The following SH3BP2 variants were observed in gnomAD, a reference collection of about 807,000 sequenced individuals.
SH3BP2 encodes the protein SH3 domain binding protein 2, also known as SH3 domain-binding protein 2.
SH3BP2 carries 38 observed loss-of-function variants against 56.2 expected under a neutral mutation model. The ratio of observed to expected loss-of-function variants is 0.68; its 90% CI spans 0.52 to 0.89. The LOEUF is 0.89. Ranked by LOEUF, SH3BP2 falls within the 40% of genes least tolerant of loss-of-function variation. SH3BP2 has a pLI of 0.00. For missense variants in SH3BP2, 748 were observed against 762.6 expected, an observed-to-expected ratio of 0.98 and a Z score of 0.23; for synonymous variants, 346 against 316.7, an observed-to-expected ratio of 1.09 and a Z score of -0.98.
At chr4:2,812,066 G>GC (rs1186130308) in intron 1 of SH3BP2, 4 of 840,404 alleles carry the variant, frequency 4.8e-6, no homozygotes, top group Non-Finnish European at 6.6e-6. Context: ...CTGACCTTGC[G>GC]CTGGAGCCAG....
Position 2,829,586 on chromosome 4 carries a change from C to T in SH3BP2, c.680C>T (p.Thr227Ile). ...GACATGCCCCGGGCCCACTCCTTTA[C>T]CTCCAAGGGCCCCGGTCCCCTACTG... ...FSDMPRAHSF[T>I]SKGPGPLLPP... Residue 227 changes from threonine (T) to isoleucine (I), a missense_variant, in exon 8 of 13, where the codon ACC becomes ATC. Physicochemically the swap from Thr to Ile is moderately conservative, Grantham distance 89 (BLOSUM62 -1). Around this residue, in one of 3 missense-constraint regions of SH3BP2, gnomAD observed 635 missense variants for 615.0 expected, o/e 1.03. Coordinates refer to ENST00000503393, the MANE Select transcript of SH3BP2 (RefSeq NM_001122681.2). This position sits in a 1 kb window ranked among gnomAD's most constrained non-coding sequence, Gnocchi z 4.9. 2 of 1,612,528 alleles carry T rather than the reference C, an allele frequency of 1.2e-6. No homozygotes were observed. The highest frequency in any genetic ancestry group is 1.7e-6 in the Non-Finnish European group (2 of 1,179,250).
intron 1 of SH3BP2, chr4:2,818,372 T>C: frequency 8.5e-7 from 1 of 1,176,932 alleles, no homozygotes; most frequent in Non-Finnish European, 1.0e-6. Context: ...AAGCCGGCCA[T>C]GCCCGCCGCG....
At chr4:2,804,074 C>T (rs922519426) in intron 1 of SH3BP2, among the ~76,000 whole-genome samples, 1 of 152,138 alleles carries the variant, frequency 6.6e-6, no homozygotes, top group Non-Finnish European at 1.5e-5. Flanking sequence ...TGACTCCAGC[C>T]GAGCCCACTG....
intron 5 of SH3BP2, chr4:2,826,260 C>G (rs1054425796): frequency 7.4e-5 from 11 of 148,424 alleles, no homozygotes; most frequent in African/African-American, 2.2e-4. Context: ...TGCATGTCCG[C>G]GTGTTGCTCT....
At chr4:2,832,917 C>T (rs1725073121) in intron 11 of SH3BP2, 73 bp from the exon 12 acceptor site, 1 of 1,492,716 alleles carries the variant, frequency 6.7e-7, no homozygotes, top group Non-Finnish European at 9.3e-7. Flanking sequence ...CCCCCTATCC[C>T]CAGCCCATGG....
chr4:2,833,536 C>T (rs756437226), intron 12 of SH3BP2, 161 bp from the exon 13 acceptor site: 7 of 813,246 alleles, frequency 8.6e-6, no homozygotes, highest in Non-Finnish European at 1.4e-5. Context: ...AGAGCACAGG[C>T]CTGATGCGGA....
In SH3BP2 at chr4:2,831,622, C is replaced by T. The variant is rs780803809; in HGVS notation, c.1293C>T (p.Pro431=). The change falls in exon 9 of 13, where the codon CCC becomes CCT. Residue 431 remains proline, a synonymous_variant. Transcript: ENST00000503393. The surrounding 1 kb of genome is among the most constrained non-coding windows in gnomAD (Gnocchi z 4.1). Reference sequence around the variant, plus strand: ...TCAGGAGCTTCTCCTTTGAAAAGCCCCGGCAACCCTCACAGGCTGACACTG... The same window carrying T: ...TCAGGAGCTTCTCCTTTGAAAAGCCTCGGCAACCCTCACAGGCTGACACTG... ...QSFRSFSFEK[P]RQPSQADTGG... is the part of the protein sequence containing the mutation. The T allele has an allele frequency of 1.6e-5, 25 of 1,606,014 alleles. No homozygotes were observed. The South Asian group carries it at 2.5e-4, about 16-fold the overall frequency.
In SH3BP2 at chr4:2,824,713, T is replaced by A. The variant is rs756410928; in HGVS notation, c.340T>A (p.Ser114Thr). ...KHRTWFFSAS[S>T]EEERKSWMAL... ...CCGCACGTGGTTCTTCTCGGCCTCC[T>A]CCGAGGAGGAGCGCAAGGTGACTGG... is the stretch of plus-strand genomic sequence containing the variant. Residue 114 changes from serine (S) to threonine (T), a missense_variant, in exon 4 of 13, where the codon TCC becomes ACC. Physicochemically the swap from Ser to Thr is moderately conservative, Grantham distance 58. Around this residue, in one of 3 missense-constraint regions of SH3BP2, gnomAD observed 635 missense variants for 615.0 expected, o/e 1.03. Transcript: ENST00000503393. The A allele has an allele frequency of 4.3e-6, 7 of 1,612,394 alleles. No homozygotes were observed. Among genetic ancestry groups the A allele is most frequent in the Non-Finnish European group, 5.9e-6 (7 of 1,178,634 alleles).
chr4:2,795,856 G>A (rs1353727921), intron 1 of SH3BP2, among the ~76,000 whole-genome samples: 1 of 152,214 alleles, frequency 6.6e-6, no homozygotes, highest in African/African-American at 2.4e-5. Flanking sequence ...CTCCAGGATA[G>A]GCGGCTCCTC....
rs563920956 is a variant in SH3BP2, at chr4:2,834,141, C to A, written c.*307C>A. 23 of 365,514 alleles carry A rather than the reference C, an allele frequency of 6.3e-5. No homozygotes were observed. The highest frequency in any genetic ancestry group is 4.1e-4 in the African/African-American group (20 of 48,898). 22.6% of individuals were successfully genotyped at this position (365,514 alleles called of 1,614,324 possible). A position where few individuals can be genotyped will look rare whatever the true frequency, so the allele number is the denominator to read the frequency against. ...TCCAAGGACAGGAACACTGGTCCCC[C>A]CATCACACTCACCCCTAAGTGGGCT... is the stretch of plus-strand genomic sequence containing the variant. On this transcript the variant is annotated 3_prime_UTR_variant, in exon 13 of 13. Coordinates refer to ENST00000503393, the MANE Select transcript of SH3BP2 (RefSeq NM_001122681.2).
At chr4:2,802,061 T>C (rs2108700880) in intron 1 of SH3BP2, among the ~76,000 whole-genome samples, 2 of 151,704 alleles carry the variant, frequency 1.3e-5, no homozygotes, top group Middle Eastern at 6.8e-3. Context: ...TGAGCAAAGA[T>C]TGTGCCACTG....
chr4:2,820,663 G>A lies in SH3BP2; in HGVS notation c.46G>A (p.Gly16Ser), dbSNP rs1195112772. The change falls in exon 2 of 13, where the codon GGT becomes AGT. Residue 16 changes from glycine (G) to serine (S), a missense_variant. Gly to Ser is a moderately conservative substitution (Grantham distance 56). Transcript: ENST00000503393. ...TTGGCCTGTCCCTATGAAGGCCATT[G>A]GTGCCCAGAACCTGCTAACCATGCC... The part of the protein sequence containing the change: ...MHWPVPMKAI[G>S]AQNLLTMPGG... 2 of 1,614,162 alleles carry A rather than the reference G, an allele frequency of 1.2e-6. No homozygotes were observed. The highest frequency in any genetic ancestry group is 1.7e-6 in the Non-Finnish European group (2 of 1,180,000).
At chr4:2,799,962 TG>T (rs1441243575) in intron 1 of SH3BP2, among the ~76,000 whole-genome samples, 1 of 151,810 alleles carries the variant, frequency 6.6e-6, no homozygotes, top group Non-Finnish European at 1.5e-5. Flanking sequence ...AAGCTTACTC[TG>T]GGGTCTGGAG....
chr4:2,831,755 G>A lies in SH3BP2; in HGVS notation c.1350+76G>A. On this transcript the variant is annotated intron_variant, in intron 9 of 12. Coordinates refer to ENST00000503393, the MANE Select transcript of SH3BP2 (RefSeq NM_001122681.2). The surrounding 1 kb of genome is among the most constrained non-coding windows in gnomAD (Gnocchi z 4.1). ...GGTGGGAAAGCCATAGGCCAGGGCG[G>A]CCCCTCACAGACCGTCCTGAGCAAG... The A allele has an allele frequency of 7.1e-7, 1 of 1,399,690 alleles. No homozygotes were observed. Among genetic ancestry groups the A allele is most frequent in the Non-Finnish European group, 9.9e-7 (1 of 1,006,624 alleles). The allele number at this position is 1,399,690 out of a possible 1,614,324, so 86.7% of individuals were successfully genotyped here.
rs1725391078 is a variant in SH3BP2 at position 2,840,627 on chromosome 4, CTT to C, written c.*6796_*6797del. ...TGTATTGAGATCTGATAAAGTAAGT[CTT>C]TTCCACCTTATTTTTCTTCTTTGAG... On this transcript the variant is annotated 3_prime_UTR_variant, in exon 13 of 13. Coordinates refer to ENST00000503393, the MANE Select transcript of SH3BP2 (RefSeq NM_001122681.2). 6.6e-6 allele frequency: 1 copy of C among 152,158 alleles called. No homozygotes were observed. The highest frequency in any genetic ancestry group is 2.4e-5 in the African/African-American group (1 of 41,434). The allele number at this position is 152,158 out of a possible 1,614,324, so 9.4% of individuals were successfully genotyped here.
Position 2,797,215 on chromosome 4 carries a change from C to T in SH3BP2, c.-5+4077C>T, listed in dbSNP as rs896945858. On this transcript the variant is annotated intron_variant, in intron 1 of 12. Coordinates refer to ENST00000503393, the MANE Select transcript of SH3BP2 (RefSeq NM_001122681.2). ...GGGTGGGCCCTTGCTGCTGGCTGCC[C>T]CTGGACAAGGTGGGAAGGGATCAGG... 1.1e-3 allele frequency among the ~76,000 whole-genome samples: 166 copies of T among 152,244 alleles called. 1 individual carries two copies. Among genetic ancestry groups the T allele is most frequent in the African/African-American group, 3.8e-3 (157 of 41,528 alleles).
chr4:2,819,945 T>A (rs1197346498), intron 1 of SH3BP2, among the ~76,000 whole-genome samples: 2 of 152,138 alleles, frequency 1.3e-5, no homozygotes, highest in African/African-American at 2.4e-5. Context: ...CTCCACTGAC[T>A]GTGTGGTCCT....
chr4:2,818,896 TG>T (rs1724149963), intron 1 of SH3BP2: 1 of 985,454 alleles, frequency 1.0e-6, no homozygotes, highest in Non-Finnish European at 1.2e-6. Flanking sequence ...TGGAGGGTGC[TG>T]GTTTGCTAAA....
Position 2,830,041 on chromosome 4 carries a change from C to T in SH3BP2, c.1135C>T (p.Pro379Ser), listed in dbSNP as rs759054470. The T allele has an allele frequency of 2.4e-5, 38 of 1,612,266 alleles. No homozygotes were observed. The highest frequency in any genetic ancestry group is 5.0e-5 in the Admixed American group (3 of 60,032). The change falls in exon 8 of 13, where the codon CCC (proline) becomes TCC (serine). Residue 379 changes from proline (P) to serine (S), a missense_variant. Physicochemically the swap from Pro to Ser is moderately conservative, Grantham distance 74. Around this residue, in one of 3 missense-constraint regions of SH3BP2, gnomAD observed 635 missense variants for 615.0 expected, o/e 1.03. Transcript: ENST00000503393. ...GGCAGCCATGCCCGGACTCTTTGTGCCCCCCGTGGCTCCCCGGCCTCCTGC... is the reference window on the plus strand; with the variant it reads ...GGCAGCCATGCCCGGACTCTTTGTGTCCCCCGTGGCTCCCCGGCCTCCTGC... ...REAAMPGLFVPPVAPRPPALK... is the reference protein window; with the variant it reads ...REAAMPGLFVSPVAPRPPALK...
Sources: allele counts gnomAD v4.1 joint callset (sites outside exome capture counted in the v4.1 genomes callset), GRCh38; gene constraint gnomAD v4.1.1; regional missense constraint gnomAD v4.1.1; non-coding constraint Gnocchi (gnomAD v3.1); transcripts MANE v1.5; gene names NCBI Gene and HGNC (gene_info 2026-07-23, HGNC 2026-07-21).